Variants in ZC3H14 observed in about 807,000 individuals in gnomAD.
ZC3H14 encodes the protein zinc finger CCCH-type containing 14, also known as zinc finger CCCH domain-containing protein 14.
Under a neutral mutation model 92.4 loss-of-function variants are expected in ZC3H14, and 31 were observed. The observed-to-expected ratio is 0.34, with a 90% confidence interval of 0.25 to 0.45. ZC3H14 has a LOEUF of 0.45. Ranked by LOEUF, ZC3H14 falls within the 20% of genes least tolerant of loss-of-function variation. The pLI is 1.00. For synonymous variants in ZC3H14, 321 were observed against 300.9 expected, an observed-to-expected ratio of 1.07 and a Z score of -0.69; for missense variants, 781 against 897.3, an observed-to-expected ratio of 0.87 and a Z score of 1.66.
rs772829034 is a variant in ZC3H14, at chr14:88,567,963, A to G, written c.80-76A>G. The G allele has an allele frequency of 4.1e-4, 478 of 1,177,142 alleles. 4 individuals are homozygous for G. Among genetic ancestry groups the G allele is most frequent in the Middle Eastern group, 2.1e-3 (11 of 5,316 alleles). The allele number at this position is 1,177,142 out of a possible 1,614,324, so 72.9% of individuals were successfully genotyped here. A position where few individuals can be genotyped will look rare whatever the true frequency, so the allele number is the denominator to read the frequency against. On this transcript the variant is annotated intron_variant, in intron 2 of 16. Coordinates refer to ENST00000251038, the MANE Select transcript of ZC3H14 (RefSeq NM_024824.5). The stretch of plus-strand genomic sequence containing the variant: ...GACTCTAAAGCTTAGAGCTACATCT[A>G]TATTTTCAAGCACATCAACTTTAAG...
chr14:88,587,079 T>G (rs1481101533), intron 9 of ZC3H14, among the ~76,000 whole-genome samples: 2 of 152,224 alleles, frequency 1.3e-5, no homozygotes. Context: ...TTGGTTACTT[T>G]AGTAATTTTA....
chr14:88,616,123 G>A lies in ZC3H14; in HGVS notation c.*4372G>A. The A allele has an allele frequency of 6.2e-7, 1 of 1,610,204 alleles. No individual in the cohort carries two copies. On this transcript the variant is annotated 3_prime_UTR_variant, in exon 17 of 17. Transcript: ENST00000251038. ...CTAGTAACATAGTCTGCTCTTCATG[G>A]GCTGAGAAAGTTACTAACCTGCAGT...
At position 88,602,899 on chromosome 14, in the gene ZC3H14, C is replaced by A; in HGVS notation, c.1586C>A (p.Pro529Gln). The A allele has an allele frequency of 6.2e-7, 1 of 1,614,142 alleles. No homozygotes were observed. The highest frequency in any genetic ancestry group is 1.7e-5 in the Admixed American group (1 of 60,014). Reference protein sequence around the residue: ...IVTLDGVPSPPGYMSDQEEDM... With the variant: ...IVTLDGVPSPQGYMSDQEEDM... ...ACGCTGGATGGTGTCCCCAGCCCCC[C>A]AGGATACATGTCAGATCAAGAGGAG... The change falls in exon 12 of 17, where the codon CCA becomes CAA. Residue 529 changes from proline to glutamine, a missense_variant. By Grantham distance (76) the Pro-to-Gln change is moderately conservative. Coordinates refer to ENST00000251038, the MANE Select transcript of ZC3H14 (RefSeq NM_024824.5).
chr14:88,563,499 G>A (rs866601081), intron 1 of ZC3H14, 152 bp from the exon 2 acceptor site: 1 of 1,504,488 alleles, frequency 6.6e-7, no homozygotes, highest in African/African-American at 1.4e-5. Context: ...TGGGGTGCGG[G>A]GTGGGGGGCG....
Position 88,612,088 on chromosome 14 carries a change from A to AGG in ZC3H14, c.*341_*342dup. ...ATGGTTAGTCATGGTACTGCAGCTT[A>AGG]GGGGGCTACACGGTTGCTGTGTGAG... On this transcript the variant is annotated 3_prime_UTR_variant, in exon 17 of 17. Coordinates refer to ENST00000251038, the MANE Select transcript of ZC3H14 (RefSeq NM_024824.5). 9.1e-6 allele frequency: 3 copies of AGG among 328,142 alleles called. No individual in the cohort carries two copies. Among genetic ancestry groups the AGG allele is most frequent in the Non-Finnish European group, 1.7e-5 (3 of 175,924 alleles). The allele number at this position is 328,142 out of a possible 1,614,324, so 20.3% of individuals were successfully genotyped here.
In ZC3H14 at chr14:88,615,069, C is replaced by G. The variant is rs926511201; in HGVS notation, c.*3318C>G. 1.3e-5 allele frequency: 2 copies of G among 152,178 alleles called. No homozygotes were observed. Among genetic ancestry groups the G allele is most frequent in the Non-Finnish European group, 2.9e-5 (2 of 68,010 alleles). The allele number at this position is 152,178 out of a possible 1,614,324, so 9.4% of individuals were successfully genotyped here. A position where few individuals can be genotyped will look rare whatever the true frequency, so the allele number is the denominator to read the frequency against. ...CCATTGGGAATGATTGTTCATCATACTACTTTTCCATTAGTGAGGCTACAG... is the reference window on the plus strand; with the variant it reads ...CCATTGGGAATGATTGTTCATCATAGTACTTTTCCATTAGTGAGGCTACAG... On this transcript the variant is annotated 3_prime_UTR_variant, in exon 17 of 17. Coordinates refer to ENST00000251038, the MANE Select transcript of ZC3H14 (RefSeq NM_024824.5).
chr14:88,578,229 C>G (rs1408722045), intron 9 of ZC3H14, 89 bp downstream of exon 9: 145 of 1,495,646 alleles, frequency 9.7e-5, no homozygotes, highest in Non-Finnish European at 1.3e-4. Context: ...AAATATTACA[C>G]TATGAAAAAA....
chr14:88,616,099 T>C lies in ZC3H14; in HGVS notation c.*4348T>C. The C allele has an allele frequency of 6.3e-7, 1 of 1,588,388 alleles. No homozygotes were observed. Among genetic ancestry groups the C allele is most frequent in the Non-Finnish European group, 8.6e-7 (1 of 1,156,896 alleles). On this transcript the variant is annotated 3_prime_UTR_variant, in exon 17 of 17. Coordinates refer to ENST00000251038, the MANE Select transcript of ZC3H14 (RefSeq NM_024824.5). Reference sequence around the variant, plus strand: ...GAGTTGTTGTATTAAGTCTCTTAACTAGTAACATAGTCTGCTCTTCATGGG... The same window carrying C: ...GAGTTGTTGTATTAAGTCTCTTAACCAGTAACATAGTCTGCTCTTCATGGG...
intron 3 of ZC3H14, among the ~76,000 whole-genome samples, chr14:88,568,852 C>T (rs1289703015): frequency 1.3e-5 from 2 of 152,084 alleles, no homozygotes; most frequent in African/African-American, 2.4e-5. Flanking sequence ...TAGTATATGT[C>T]GGCTATACTT....
At position 88,622,433 on chromosome 14, in the gene ZC3H14, A is replaced by G; in HGVS notation, c.*10682A>G. On this transcript the variant is annotated 3_prime_UTR_variant, in exon 17 of 17. Coordinates refer to ENST00000251038, the MANE Select transcript of ZC3H14 (RefSeq NM_024824.5). Reference sequence around the variant, plus strand: ...AATAGCTTCCTAGCTTATGCACCACACTGGTGCTAACTTTGGCAAAGAAAG... The same window carrying G: ...AATAGCTTCCTAGCTTATGCACCACGCTGGTGCTAACTTTGGCAAAGAAAG... 1 of 477,932 alleles carries G rather than the reference A, an allele frequency of 2.1e-6. No individual in the cohort carries two copies. Among genetic ancestry groups the G allele is most frequent in the East Asian group, 3.3e-5 (1 of 30,000 alleles). The allele number at this position is 477,932 out of a possible 1,614,324, so 29.6% of individuals were successfully genotyped here.
intron 1 of ZC3H14, 130 bp from the exon 2 acceptor site, chr14:88,563,521 G>T (rs1042262204): frequency 1.3e-6 from 2 of 1,571,688 alleles, no homozygotes; most frequent in South Asian, 1.1e-5. Context: ...TGCAGGCGAG[G>T]CTCCTCCCAG....
chr14:88,570,561 A>G (rs944554661), intron 3 of ZC3H14, among the ~76,000 whole-genome samples: 6 of 152,186 alleles, frequency 3.9e-5, no homozygotes, highest in African/African-American at 1.4e-4. Flanking sequence ...TGGTAATAAT[A>G]AGCAATATTA....
At position 88,571,077 on chromosome 14, in the gene ZC3H14, TC is replaced by T. The variant is rs754980459; in HGVS notation, c.195-5del. The stretch of plus-strand genomic sequence containing the variant: ...GGTTTATTTTTGTTTTTTGTTTTTT[TC>T]CTCAGGCTTCATGGTGTATTAGATA... On this transcript the variant is annotated splice_region_variant and splice_polypyrimidine_tract_variant and intron_variant, in intron 3 of 16. Transcript: ENST00000251038. The T allele has an allele frequency of 2.6e-6, 4 of 1,532,958 alleles. No individual in the cohort carries two copies. The South Asian group carries it at 4.1e-5, about 16-fold the overall frequency. 95.0% of individuals were successfully genotyped at this position (1,532,958 alleles called of 1,614,324 possible). A position where few individuals can be genotyped will look rare whatever the true frequency, so the allele number is the denominator to read the frequency against.
intron 10 of ZC3H14, among the ~76,000 whole-genome samples, chr14:88,599,078 A>G (rs1479138311): frequency 1.3e-5 from 2 of 152,230 alleles, no homozygotes; most frequent in Admixed American, 1.3e-4. Flanking sequence ...ACAGAGCAAG[A>G]CTGTCTCAAA....
At chr14:88,599,479 G>A (rs923359004) in intron 10 of ZC3H14, among the ~76,000 whole-genome samples, 1 of 152,146 alleles carries the variant, frequency 6.6e-6, no homozygotes, top group Non-Finnish European at 1.5e-5. Flanking sequence ...TTACTCCCCC[G>A]TCTGTCTGGT....
intron 3 of ZC3H14, among the ~76,000 whole-genome samples, 200 bp downstream of exon 3, chr14:88,568,353 A>G (rs1225367474): frequency 1.3e-5 from 2 of 152,318 alleles, no homozygotes; most frequent in East Asian, 3.9e-4. Flanking sequence ...TTTCTAAAAG[A>G]AAGAGGTTTA....
intron 9 of ZC3H14, chr14:88,590,276 C>T (rs1243518552): frequency 1.3e-5 from 2 of 152,378 alleles, no homozygotes; most frequent in Admixed American, 6.5e-5. Flanking sequence ...TGATCCTTTA[C>T]ACTGTAAATT....
chr14:88,578,518 A>G (rs899172343), intron 9 of ZC3H14, among the ~76,000 whole-genome samples: 28 of 152,212 alleles, frequency 1.8e-4, no homozygotes, highest in African/African-American at 6.3e-4. Context: ...AGGCTAGTAC[A>G]GTGAACTCTC....
rs1385244780 is a variant in ZC3H14, at chr14:88,618,095, T to C, written c.*6344T>C. ...AAGGGGTCCCAACATGAACATACCA[T>C]TTCAAAATATGGTAACAAAAACTTG... is the stretch of plus-strand genomic sequence containing the variant. On this transcript the variant is annotated 3_prime_UTR_variant, in exon 17 of 17. Transcript: ENST00000251038. 15 of 616,480 alleles carry C rather than the reference T, an allele frequency of 2.4e-5. No individual in the cohort carries two copies. Among genetic ancestry groups the C allele is most frequent in the African/African-American group, 3.6e-5 (2 of 54,974 alleles). 38.2% of individuals were successfully genotyped at this position (616,480 alleles called of 1,614,324 possible). A position where few individuals can be genotyped will look rare whatever the true frequency, so the allele number is the denominator to read the frequency against.
Sources: gnomAD v4.1 joint callset for allele counts (sites outside exome capture counted in the v4.1 genomes callset) on GRCh38, gnomAD v4.1.1 for gene constraint, MANE v1.5 for transcripts, NCBI Gene and HGNC (gene_info 2026-07-23, HGNC 2026-07-21) for gene names.